ZC4H2: variants seen among roughly 807,000 people sequenced by gnomAD.
ZC4H2 encodes the protein zinc finger C4H2-type containing, also known as zinc finger C4H2 domain-containing protein.
For missense variants in ZC4H2, 137 were observed against 173.9 expected (o/e 0.79, Z 1.19); for synonymous variants, 84 against 66.3 (o/e 1.27, Z -1.30).
chrX:64,948,907 G>T (rs759217329), intron 1 of ZC4H2, among the ~76,000 whole-genome samples: 1 of 111,833 alleles, frequency 8.9e-6, no homozygotes, highest in Non-Finnish European at 1.9e-5. Context: ...TAAAAGGTTC[G>T]TAAAAATTAA....
chrX:64,961,904 G>A (rs752034019), intron 1 of ZC4H2, among the ~76,000 whole-genome samples: 3 of 111,480 alleles, frequency 2.7e-5, no homozygotes, highest in Non-Finnish European at 1.9e-5. Flanking sequence ...AGTTAGTAAG[G>A]AGATTGAAAC....
At chrX:64,951,508 T>G (rs760554520) in intron 1 of ZC4H2, among the ~76,000 whole-genome samples, 2 of 112,275 alleles carry the variant, frequency 1.8e-5, no homozygotes, top group South Asian at 7.4e-4. Context: ...TGGTGTGAGA[T>G]GGTATCTCAA....
chrX:64,935,695 G>T (rs1397688602), intron 1 of ZC4H2, among the ~76,000 whole-genome samples: 1 of 112,003 alleles, frequency 8.9e-6, no homozygotes, highest in African/African-American at 3.2e-5. Context: ...GTCTGGAGTG[G>T]ACCTCCAGCA....
rs775912312 is a variant in ZC4H2, at chrX:64,921,771, C to T, written c.225+46G>A. The T allele has an allele frequency of 5.9e-6, 7 of 1,183,297 alleles. No individual in the cohort carries two copies. In the South Asian group the frequency reaches 1.3e-4, roughly 23 times the overall value. On this transcript the variant is annotated intron_variant, in intron 2 of 4. Transcript: ENST00000374839. ...GGAAAGGCCCTATCATTCACCACTA[C>T]CTCTTTCTCAAAGGCTTTAGAGATA...
chrX:64,967,325 AAG>A (rs1327424708), intron 1 of ZC4H2, among the ~76,000 whole-genome samples: 2 of 111,593 alleles, frequency 1.8e-5, no homozygotes, highest in Non-Finnish European at 3.8e-5. Context: ...CTAATCTACA[AAG>A]AGTGTCATGC....
At chrX:64,931,980 T>A (rs1230000688) in intron 1 of ZC4H2, among the ~76,000 whole-genome samples, 1 of 111,874 alleles carries the variant, frequency 8.9e-6, no homozygotes, top group Non-Finnish European at 1.9e-5. Flanking sequence ...ATTGTGTTGT[T>A]GTTTATCTCA....
At chrX:64,989,881 T>C (rs1293991216) in intron 1 of ZC4H2, among the ~76,000 whole-genome samples, 1 of 111,714 alleles carries the variant, frequency 9.0e-6, no homozygotes, top group African/African-American at 3.3e-5. Context: ...CAATACCAAA[T>C]GCTGGCAAAG....
Position 64,921,839 on chromosome X carries a change from A to T in ZC4H2, c.203T>A (p.Leu68Gln). 8.3e-7 allele frequency: 1 copy of T among 1,210,886 alleles called. No homozygotes were observed. The highest frequency in any genetic ancestry group is 1.1e-6 in the Non-Finnish European group (1 of 895,342). The change falls in exon 2 of 5, where the codon CTG becomes CAG. Residue 68 changes from leucine to glutamine, a missense_variant. Transcript: ENST00000374839. ...TACCACATTGATGTCAGCGTGGATCAGTCGGAGTTCCTCCACATGGGCCAT... is the reference window on the plus strand; with the variant it reads ...TACCACATTGATGTCAGCGTGGATCTGTCGGAGTTCCTCCACATGGGCCAT... Reference protein sequence around the residue: ...EKMAHVEELRLIHADINVMEN... With the variant: ...EKMAHVEELRQIHADINVMEN...
chrX:64,957,046 T>C (rs1276352529), intron 1 of ZC4H2, among the ~76,000 whole-genome samples: 2 of 112,589 alleles, frequency 1.8e-5, no homozygotes, highest in African/African-American at 6.4e-5. Context: ...TTTGAGTCCA[T>C]GAGGACAAAG....
intron 1 of ZC4H2, among the ~76,000 whole-genome samples, chrX:64,993,180 G>GT (rs980840357): frequency 8.9e-6 from 1 of 111,787 alleles, no homozygotes; most frequent in African/African-American, 3.3e-5. Context: ...GACATATTAG[G>GT]TTTTTTTGTT....
intron 1 of ZC4H2, among the ~76,000 whole-genome samples, chrX:64,972,915 G>T (rs1296576465): frequency 1.8e-5 from 2 of 111,881 alleles, no homozygotes; most frequent in African/African-American, 6.5e-5. Context: ...CTTAAACCAA[G>T]TGGCTTAACC....
intron 1 of ZC4H2, among the ~76,000 whole-genome samples, chrX:65,024,909 G>T (rs1189217991): frequency 1.8e-5 from 2 of 111,174 alleles, no homozygotes; most frequent in Non-Finnish European, 3.8e-5. Flanking sequence ...GAAAACGAGA[G>T]GGGCTTGGGT....
chrX:64,978,917 T>A (rs1363243198), upstream of ZC4H2, among the ~76,000 whole-genome samples: 3 of 111,319 alleles, frequency 2.7e-5, no homozygotes, highest in Non-Finnish European at 5.7e-5. Context: ...ATTTAATGTC[T>A]CTCTCTTTTT....
chrX:64,919,596 C>T (rs776778242), intron 3 of ZC4H2: 10 of 143,989 alleles, frequency 6.9e-5, no homozygotes, highest in Non-Finnish European at 1.1e-4. Flanking sequence ...AAATGATTTC[C>T]TCTACCAGGT....
At chrX:64,968,686 C>A (rs1931674356) in intron 1 of ZC4H2, among the ~76,000 whole-genome samples, 1 of 111,475 alleles carries the variant, frequency 9.0e-6, no homozygotes, top group Non-Finnish European at 1.9e-5. Flanking sequence ...CACAGGGAAA[C>A]CACAGGGTTT....
intron 1 of ZC4H2, among the ~76,000 whole-genome samples, chrX:64,962,164 C>A (rs1931418501): frequency 9.0e-6 from 1 of 111,403 alleles, no homozygotes; most frequent in Non-Finnish European, 1.9e-5. Flanking sequence ...AAATCCTCAA[C>A]AAAAGACTAG....
intron 1 of ZC4H2, among the ~76,000 whole-genome samples, chrX:65,014,057 A>ATGAG (rs1057404459): frequency 2.7e-5 from 3 of 110,939 alleles, no homozygotes; most frequent in African/African-American, 9.8e-5. Flanking sequence ...TCATAGGTGA[A>ATGAG]TGAGTTCCCC....
At chrX:65,024,853 A>G (rs1932864597) in intron 1 of ZC4H2, among the ~76,000 whole-genome samples, 1 of 111,697 alleles carries the variant, frequency 9.0e-6, no homozygotes, top group African/African-American at 3.3e-5. Flanking sequence ...GTAGACATGA[A>G]TGTAACCATG....
intron 1 of ZC4H2, among the ~76,000 whole-genome samples, chrX:64,951,070 C>T (rs1007119206): frequency 2.7e-5 from 3 of 110,801 alleles, no homozygotes; most frequent in African/African-American, 9.9e-5. Flanking sequence ...GGTTTTTTGT[C>T]CTTGCGATAG....
Sources: allele counts gnomAD v4.1 joint callset (sites outside exome capture counted in the v4.1 genomes callset), GRCh38; gene constraint gnomAD v4.1.1; transcripts MANE v1.5; gene names NCBI Gene and HGNC (gene_info 2026-07-23, HGNC 2026-07-21).